Variants in TMEM132D observed in about 807,000 individuals in gnomAD.
TMEM132D encodes transmembrane protein 132D.
A neutral mutation model predicts 62.3 loss-of-function variants in TMEM132D; 21 were observed. The ratio of observed to expected loss-of-function variants is 0.34; its 90% CI spans 0.24 to 0.49. TMEM132D has a LOEUF of 0.49. Ranked by LOEUF, TMEM132D falls within the 20% of genes least tolerant of loss-of-function variation. The pLI, the probability that TMEM132D is intolerant of heterozygous loss-of-function variation, is 0.99. For synonymous variants in TMEM132D, 621 were observed against 575.6 expected (o/e 1.08, Z -1.13); for missense variants, 1,346 against 1,402.8 (o/e 0.96, Z 0.65).
chr12:129,112,775 G>A (rs1350220810), intron 5 of TMEM132D, among the ~76,000 whole-genome samples: 2 of 152,228 alleles, frequency 1.3e-5, no homozygotes, highest in African/African-American at 4.8e-5. Context: ...ATATTGGTCT[G>A]CACAGGTTCA....
rs751515263 is a variant in TMEM132D, at chr12:129,903,243, C to T, written c.79+18G>A. Reference sequence around the variant, plus strand: ...GGCGAAGTTAGTCCCCGGGCCCTGGCGGCCGCGGCGTCCTCACCTTTGGAA... The same window carrying T: ...GGCGAAGTTAGTCCCCGGGCCCTGGTGGCCGCGGCGTCCTCACCTTTGGAA... On this transcript the variant is annotated intron_variant, in intron 1 of 8. Transcript: ENST00000422113. The surrounding 1 kb of genome is among the most constrained non-coding windows in gnomAD (Gnocchi z 6.2). The T allele has an allele frequency of 4.5e-6, 7 of 1,551,494 alleles. No individual in the cohort carries two copies. The South Asian group carries it at 8.3e-5, about 18-fold the overall frequency.
chr12:129,354,186 C>T (rs907599547), intron 3 of TMEM132D, among the ~76,000 whole-genome samples: 1 of 152,004 alleles, frequency 6.6e-6, no homozygotes, highest in African/African-American at 2.4e-5. Flanking sequence ...CTAAAGTGAA[C>T]CTTGCAGGCC....
chr12:129,719,524 A>C (rs1868733701), intron 1 of TMEM132D, among the ~76,000 whole-genome samples: 1 of 152,204 alleles, frequency 6.6e-6, no homozygotes, highest in South Asian at 2.1e-4. Flanking sequence ...GATGCAGGGA[A>C]ACCCTGTTTA....
chr12:129,221,443 C>T (rs1011237999), intron 4 of TMEM132D, among the ~76,000 whole-genome samples: 2 of 152,192 alleles, frequency 1.3e-5, no homozygotes, highest in Non-Finnish European at 1.5e-5. Flanking sequence ...TCAGCTTCAG[C>T]AACTCACTCT....
chr12:129,205,382 A>G (rs1478432118), intron 5 of TMEM132D, among the ~76,000 whole-genome samples: 1 of 151,048 alleles, frequency 6.6e-6, no homozygotes, highest in East Asian at 1.9e-4. Flanking sequence ...TTCAGAAAAA[A>G]AAAAAAAAAA....
In TMEM132D at chr12:129,081,836, C is replaced by T; in HGVS notation, c.1846G>A (p.Val616Met). 1 of 1,613,946 alleles carries T rather than the reference C, an allele frequency of 6.2e-7. No homozygotes were observed. The highest frequency in any genetic ancestry group is 8.5e-7 in the Non-Finnish European group (1 of 1,180,010). The change falls in exon 7 of 9, where the codon GTG (valine) becomes ATG (methionine). Residue 616 changes from valine to methionine, a missense_variant. Transcript: ENST00000422113. The part of the protein sequence containing the change: ...ITELINDFMQ[V>M]EEPRIAKLQG... The stretch of plus-strand genomic sequence containing the variant: ...AGCTTGGCGATCCTGGGCTCCTCCA[C>T]CTGCATGAAGTCATTTATCAGCTCC...
At chr12:129,180,223 G>GGAA (rs1284232256) in intron 5 of TMEM132D, among the ~76,000 whole-genome samples, 1 of 151,800 alleles carries the variant, frequency 6.6e-6, no homozygotes, top group East Asian at 1.9e-4. Context: ...AGGAGGAGGA[G>GGAA]GAGGAGGAGG....
chr12:129,173,704 T>C (rs1176389286), intron 5 of TMEM132D, among the ~76,000 whole-genome samples: 1 of 152,228 alleles, frequency 6.6e-6, no homozygotes, highest in Non-Finnish European at 1.5e-5. Flanking sequence ...AGCTAAGTCA[T>C]AGGCTGTCAC....
chr12:129,251,381 A>G (rs868003182), intron 4 of TMEM132D, among the ~76,000 whole-genome samples: 8 of 135,816 alleles, frequency 5.9e-5, no homozygotes, highest in East Asian at 2.2e-4. Flanking sequence ...AAAAAAAAAA[A>G]AAGAAGAGAG....
At position 129,107,037 on chromosome 12, in the gene TMEM132D, G is replaced by A. The variant is rs193035917; in HGVS notation, c.1444-22335C>T. Among the ~76,000 whole-genome samples the A allele has an allele frequency of 8.5e-5, 13 of 152,264 alleles. No homozygotes were observed. The East Asian group carries it at 1.4e-3, about 16-fold the overall frequency. The stretch of plus-strand genomic sequence containing the variant: ...TGAGATGGCAGGCAAGACCTTAGCC[G>A]TTTTGTTTATCTACTGTATCATCTA... On this transcript the variant is annotated intron_variant, in intron 5 of 8. Coordinates refer to ENST00000422113, the MANE Select transcript of TMEM132D (RefSeq NM_133448.3).
chr12:129,836,888 T>C (rs1035922240), intron 1 of TMEM132D, among the ~76,000 whole-genome samples: 2 of 152,230 alleles, frequency 1.3e-5, no homozygotes, highest in African/African-American at 2.4e-5. Flanking sequence ...AAACACATTG[T>C]AGCTATAGCC....
chr12:129,685,931 T>G (rs770743489), intron 2 of TMEM132D, among the ~76,000 whole-genome samples: 3 of 152,172 alleles, frequency 2.0e-5, no homozygotes, highest in Non-Finnish European at 2.9e-5. Flanking sequence ...GGCCTGTAGC[T>G]CCTTTGTTTT....
chr12:129,322,718 T>A (rs1032306609), intron 4 of TMEM132D, among the ~76,000 whole-genome samples: 2 of 152,118 alleles, frequency 1.3e-5, no homozygotes, highest in African/African-American at 4.8e-5. Context: ...AGGAAAGAAT[T>A]TAACTTTTCT....
chr12:129,192,619 G>T (rs992947021), intron 5 of TMEM132D, among the ~76,000 whole-genome samples: 1 of 152,130 alleles, frequency 6.6e-6, no homozygotes, highest in Non-Finnish European at 1.5e-5. Context: ...TTTGCCATTG[G>T]TGTCTCTTCT....
intron 3 of TMEM132D, chr12:129,521,465 T>C (rs1350610080): frequency 1.3e-5 from 2 of 152,132 alleles, no homozygotes; most frequent in East Asian, 1.9e-4. Context: ...GAGTTCCTTT[T>C]AGAAAAAGCT....
chr12:129,287,725 T>A (rs1433625406), intron 4 of TMEM132D, among the ~76,000 whole-genome samples: 1 of 101,084 alleles, frequency 9.9e-6, no homozygotes, highest in Non-Finnish European at 2.3e-5. Context: ...AGCAAAACTT[T>A]CATGGTATTC....
At chr12:129,118,725 T>G (rs1285452399) in intron 5 of TMEM132D, among the ~76,000 whole-genome samples, 1 of 152,234 alleles carries the variant, frequency 6.6e-6, no homozygotes, top group Non-Finnish European at 1.5e-5. Context: ...ATTGAATTCA[T>G]TGAATGTCCT....
intron 2 of TMEM132D, among the ~76,000 whole-genome samples, chr12:129,670,303 T>C (rs1880473565): frequency 6.6e-6 from 1 of 152,142 alleles, no homozygotes; most frequent in African/African-American, 2.4e-5. Context: ...ATTTCCTTTA[T>C]AGGACTAACA....
chr12:129,163,160 C>T (rs1485136361), intron 5 of TMEM132D, among the ~76,000 whole-genome samples: 1 of 152,206 alleles, frequency 6.6e-6, no homozygotes, highest in African/African-American at 2.4e-5. Context: ...GATAATAAGG[C>T]AGGTGTGCCC....
Sources: gnomAD v4.1 joint callset for allele counts (sites outside exome capture counted in the v4.1 genomes callset) on GRCh38, gnomAD v4.1.1 for gene constraint, Gnocchi (gnomAD v3.1) non-coding constraint, MANE v1.5 for transcripts, NCBI Gene and HGNC (gene_info 2026-07-23, HGNC 2026-07-21) for gene names.